Variants in FRMPD4 observed in about 807,000 individuals in gnomAD.
FRMPD4 encodes FERM and PDZ domain containing 4, also known as FERM and PDZ domain-containing protein 4.
FRMPD4 carries 22 observed loss-of-function variants against 94.1 expected under a neutral mutation model. That is an observed-to-expected ratio of 0.23 (90% confidence interval 0.17 to 0.33). The LOEUF (loss-of-function observed/expected upper bound fraction) is 0.33. Among genes scored for constraint, FRMPD4 ranks in the 10% least tolerant of loss-of-function variants. FRMPD4 has a pLI of 1.00. For missense variants in FRMPD4, 1,111 were observed against 1,339.9 expected, an observed-to-expected ratio of 0.83 and a Z score of 2.67; for synonymous variants, 631 against 548.6, an observed-to-expected ratio of 1.15 and a Z score of -2.10.
intron 2 of FRMPD4, among the ~76,000 whole-genome samples, chrX:12,519,179 G>A (rs2058134827): frequency 8.9e-6 from 1 of 112,227 alleles, no homozygotes; most frequent in Admixed American, 9.4e-5. Context: ...ATTTTTTTCA[G>A]TAAGAGGAAA....
chrX:12,599,702 C>T (rs1250065765), intron 2 of FRMPD4, among the ~76,000 whole-genome samples: 3 of 111,850 alleles, frequency 2.7e-5, no homozygotes, highest in African/African-American at 9.8e-5. Flanking sequence ...CTCTGTCCAT[C>T]ACATTTGAAT....
At chrX:12,264,702 A>G (rs1032323687) in intron 1 of FRMPD4, among the ~76,000 whole-genome samples, 4 of 112,270 alleles carry the variant, frequency 3.6e-5, no homozygotes, top group Non-Finnish European at 7.5e-5. Flanking sequence ...TGATTATGCC[A>G]TAGTATGTTC....
chrX:12,396,962 T>A (rs2056549417), intron 1 of FRMPD4, among the ~76,000 whole-genome samples: 1 of 111,967 alleles, frequency 8.9e-6, no homozygotes, highest in African/African-American at 3.2e-5. Flanking sequence ...ATGATGTTCA[T>A]AAACTGATCA....
At chrX:11,849,432 T>C (rs950260954) in intron 1 of FRMPD4, among the ~76,000 whole-genome samples, 2 of 111,527 alleles carry the variant, frequency 1.8e-5, no homozygotes, top group East Asian at 5.6e-4. Context: ...GTAAAATTCA[T>C]GTAGAACCTC....
chrX:11,980,631 C>T (rs1268027329), intron 3 of FRMPD4, among the ~76,000 whole-genome samples: 1 of 111,436 alleles, frequency 9.0e-6, no homozygotes, highest in East Asian at 2.8e-4. Flanking sequence ...CTTTTCTACA[C>T]TTTTTAATGA....
chrX:12,467,483 TGTTGGG>T (rs920149675), intron 1 of FRMPD4, among the ~76,000 whole-genome samples: 1 of 112,305 alleles, frequency 8.9e-6, no homozygotes, highest in Non-Finnish European at 1.9e-5. Context: ...TGCCTATCCC[TGTTGGG>T]CAAGCCTCAG....
chrX:12,601,479 A>T (rs2059084129), intron 2 of FRMPD4, among the ~76,000 whole-genome samples: 1 of 111,475 alleles, frequency 9.0e-6, no homozygotes, highest in Non-Finnish European at 1.9e-5. Context: ...GGGTTCCTGG[A>T]TCTTCTGTCC....
intron 3 of FRMPD4, among the ~76,000 whole-genome samples, chrX:12,085,261 T>C (rs1285528613): frequency 1.8e-5 from 2 of 112,634 alleles, no homozygotes; most frequent in Non-Finnish European, 3.7e-5. Flanking sequence ...AATTAAAATA[T>C]AATTTAAATG....
intron 3 of FRMPD4, among the ~76,000 whole-genome samples, chrX:12,076,929 G>A (rs1403623864): frequency 1.8e-5 from 2 of 111,688 alleles, no homozygotes; most frequent in African/African-American, 6.5e-5. Flanking sequence ...CCTCAAGTTT[G>A]TATTATTTTA....
At chrX:12,312,810 G>A (rs1347256812) in intron 1 of FRMPD4, among the ~76,000 whole-genome samples, 1 of 106,441 alleles carries the variant, frequency 9.4e-6, no homozygotes, top group Non-Finnish European at 1.9e-5. Flanking sequence ...CTTTCTTATG[G>A]TGGGATTCCT....
rs1008576814 is a variant in FRMPD4, at chrX:12,184,817, C to A, written c.41+45805C>A. 5.4e-5 allele frequency among the ~76,000 whole-genome samples: 6 copies of A among 111,000 alleles called. No homozygotes were observed. The Admixed American group carries it at 5.8e-4, about 11-fold the overall frequency. On this transcript the variant is annotated intron_variant, in intron 1 of 16. Coordinates refer to ENST00000675598, the MANE Select transcript of FRMPD4 (RefSeq NM_001368397.1). ...GAGATAGAGAGTAGAAGGATGGTTA[C>A]CAGAGGCTGCAGAGGCTGGGAAGGG...
rs761282473 is a variant in FRMPD4, at chrX:12,154,480, C to G, written c.41+15468C>G. 2.7e-5 allele frequency among the ~76,000 whole-genome samples: 3 copies of G among 112,268 alleles called. No individual in the cohort carries two copies. In the South Asian group the frequency reaches 1.1e-3, roughly 42 times the overall value. On this transcript the variant is annotated intron_variant, in intron 1 of 16. Coordinates refer to ENST00000675598, the MANE Select transcript of FRMPD4 (RefSeq NM_001368397.1). ...CCACACTGGAAAAGTTGGCTTACTT[C>G]AGAGGAGAGACGAAATAGAAGGGGA...
At chrX:12,262,914 C>T (rs1003599191) in intron 1 of FRMPD4, among the ~76,000 whole-genome samples, 2 of 111,739 alleles carry the variant, frequency 1.8e-5, no homozygotes, top group East Asian at 2.8e-4. Context: ...AGTCACTGGG[C>T]ATGTGGGTCC....
intron 1 of FRMPD4, among the ~76,000 whole-genome samples, chrX:12,452,691 G>A (rs1202348073): frequency 8.9e-6 from 1 of 112,346 alleles, no homozygotes; most frequent in Non-Finnish European, 1.9e-5. Flanking sequence ...CTGTGAAATT[G>A]TCATAACATG....
chrX:11,929,951 T>A (rs2054111573), intron 3 of FRMPD4, among the ~76,000 whole-genome samples: 1 of 106,654 alleles, frequency 9.4e-6, no homozygotes, highest in African/African-American at 3.4e-5. Context: ...CTACTAAAAA[T>A]ACAAAAATTA....
In FRMPD4 at chrX:12,009,908, T is replaced by C. The variant is rs765687518; in HGVS notation, c.95+131890T>C. Among the ~76,000 whole-genome samples, 61 of 112,167 alleles carry C rather than the reference T, an allele frequency of 5.4e-4. 2 individuals carry two copies. Among genetic ancestry groups the C allele is most frequent in the Non-Finnish European group, 2.8e-4 (15 of 53,230 alleles). ...GTTTCTAAATTTAATGTTTATATTA[T>C]TTTTTTGAATTTAGAAACAAAATAG... On this transcript the variant is annotated intron_variant, in intron 3 of 18. Coordinates refer to the FRMPD4 transcript ENST00000640291.
At chrX:12,149,206 C>T (rs1338765844) in intron 1 of FRMPD4, 1 of 111,814 alleles carries the variant, frequency 8.9e-6, no homozygotes, top group East Asian at 2.8e-4. Context: ...TACTCTTTTC[C>T]ACATTCTCAG....
At chrX:12,639,947 G>A (rs1215506747) in intron 4 of FRMPD4, among the ~76,000 whole-genome samples, 1 of 111,566 alleles carries the variant, frequency 9.0e-6, no homozygotes, top group Non-Finnish European at 1.9e-5. Context: ...TTCAACAGAA[G>A]AAGGGATTCT....
intron 2 of FRMPD4, among the ~76,000 whole-genome samples, chrX:12,566,609 AAAG>A (rs903203909): frequency 2.7e-5 from 3 of 112,522 alleles, no homozygotes; most frequent in African/African-American, 6.4e-5. Flanking sequence ...AAGAAAACAA[AAAG>A]AAGATCACTG....
Sources: allele counts gnomAD v4.1 joint callset (sites outside exome capture counted in the v4.1 genomes callset), GRCh38; gene constraint gnomAD v4.1.1; transcripts MANE v1.5; gene names NCBI Gene and HGNC (gene_info 2026-07-23, HGNC 2026-07-21).